Variants in EPB41 observed in about 807,000 individuals in gnomAD.
The protein encoded by EPB41 is protein 4.1.
EPB41 carries 65 observed loss-of-function variants against 108.0 expected under a neutral mutation model. That is an observed-to-expected ratio of 0.60 (90% CI 0.49 to 0.74). The LOEUF is 0.74. EPB41 is among the 30% of genes least tolerant of loss of function. The probability of loss-of-function intolerance (pLI) is 0.00; values close to 1 mark genes in which losing one functional copy is unlikely to be tolerated. For missense variants in EPB41, 875 were observed against 1,037.0 expected, an observed-to-expected ratio of 0.84 and a Z score of 2.15; for synonymous variants, 336 against 358.9, an observed-to-expected ratio of 0.94 and a Z score of 0.72.
intron 16 of EPB41, among the ~76,000 whole-genome samples, chr1:29,092,727 G>A (rs1558290489): frequency 6.6e-6 from 1 of 151,928 alleles, no homozygotes; most frequent in East Asian, 1.9e-4. Flanking sequence ...AGTAGGCCCT[G>A]GTGTCTGTTG....
At chr1:29,009,805 A>G (rs1333588762) in intron 4 of EPB41, among the ~76,000 whole-genome samples, 1 of 152,184 alleles carries the variant, frequency 6.6e-6, no homozygotes, top group Non-Finnish European at 1.5e-5. Flanking sequence ...AATATGTGGC[A>G]TTTATTATAT....
intron 5 of EPB41, among the ~76,000 whole-genome samples, chr1:29,013,220 G>C (rs1314917516): frequency 6.6e-6 from 1 of 151,954 alleles, no homozygotes; most frequent in Non-Finnish European, 1.5e-5. Context: ...AGCTACGCAG[G>C]AGGCTGAGGC....
chr1:28,938,164 A>G (rs540604193), intron 1 of EPB41, among the ~76,000 whole-genome samples: 74 of 152,220 alleles, frequency 4.9e-4, no homozygotes, highest in Admixed American at 7.8e-4. Flanking sequence ...ATTTTTCAAC[A>G]TTGTTTTGGC....
intron 1 of EPB41, among the ~76,000 whole-genome samples, chr1:28,889,585 G>A (rs74065144): frequency 0.011 from 1,603 of 152,376 alleles, 26 homozygotes; most frequent in African/African-American, 0.036. Flanking sequence ...GCCGTGCTGG[G>A]CAGGAACATC....
At chr1:28,981,863 T>A (rs909792452) in intron 1 of EPB41, among the ~76,000 whole-genome samples, 13 of 150,956 alleles carry the variant, frequency 8.6e-5, no homozygotes, top group Admixed American at 4.6e-4. Context: ...TTTTAATTTT[T>A]ATTTTTATTA....
intron 1 of EPB41, among the ~76,000 whole-genome samples, chr1:28,891,358 AAG>A (rs1355824705): frequency 6.6e-6 from 1 of 152,174 alleles, no homozygotes; most frequent in Non-Finnish European, 1.5e-5. Flanking sequence ...ATTTCAGAGG[AAG>A]AGACTGAGGT....
chr1:29,051,147 G>A (rs183465130), intron 11 of EPB41, among the ~76,000 whole-genome samples: 160 of 113,600 alleles, frequency 1.4e-3, no homozygotes, highest in African/African-American at 5.4e-3. Context: ...TGCCCAGGCT[G>A]GAGTGCAGTG....
chr1:28,973,970 A>G (rs1182123717), intron 1 of EPB41, among the ~76,000 whole-genome samples: 1 of 152,234 alleles, frequency 6.6e-6, no homozygotes. Context: ...TAGGAGTCAC[A>G]TGAAATTCAG....
chr1:28,976,928 G>A (rs2095620326), intron 1 of EPB41, among the ~76,000 whole-genome samples: 1 of 151,802 alleles, frequency 6.6e-6, no homozygotes, highest in African/African-American at 2.4e-5. Flanking sequence ...TCTTGGCTCA[G>A]TGCAACCTCT....
At chr1:28,996,803 T>TG (rs1557961942) in intron 3 of EPB41, among the ~76,000 whole-genome samples, 1 of 152,066 alleles carries the variant, frequency 6.6e-6, no homozygotes, top group Non-Finnish European at 1.5e-5. Context: ...AATCGGAAAG[T>TG]GACATTTTAT....
At chr1:29,016,073 G>A (rs921719187) in intron 6 of EPB41, among the ~76,000 whole-genome samples, 2 of 152,158 alleles carry the variant, frequency 1.3e-5, no homozygotes, top group South Asian at 4.1e-4. Flanking sequence ...CCCTCCAAAG[G>A]GCAAGACACA....
At chr1:28,948,363 G>A (rs960805391) in intron 1 of EPB41, among the ~76,000 whole-genome samples, 1 of 151,922 alleles carries the variant, frequency 6.6e-6, no homozygotes, top group Admixed American at 6.6e-5. Context: ...AAAAAAATTA[G>A]CCAGGCGCGG....
intron 1 of EPB41, among the ~76,000 whole-genome samples, chr1:28,968,981 C>CCA (rs2095429391): frequency 3.5e-5 from 5 of 143,630 alleles, no homozygotes; most frequent in Middle Eastern, 6.9e-3. Flanking sequence ...CCCCCACCCC[C>CCA]CAAAAAAAAA....
At chr1:29,071,549 A>G (rs1400734817) in intron 16 of EPB41, 3 of 152,232 alleles carry the variant, frequency 2.0e-5, no homozygotes, top group African/African-American at 7.2e-5. Flanking sequence ...TTCCTGATAT[A>G]CTTCAGACCT....
intron 17 of EPB41, among the ~76,000 whole-genome samples, chr1:29,107,099 C>T (rs1667468172): frequency 6.6e-6 from 1 of 152,000 alleles, no homozygotes; most frequent in African/African-American, 2.4e-5. Context: ...AAGAGAATCG[C>T]TTGAACCCAG....
chr1:29,038,466 A>C (rs989408589), intron 10 of EPB41, among the ~76,000 whole-genome samples: 1 of 152,260 alleles, frequency 6.6e-6, no homozygotes, highest in African/African-American at 2.4e-5. Flanking sequence ...ACATAAAAGT[A>C]TATGTTTGCT....
intron 16 of EPB41, among the ~76,000 whole-genome samples, chr1:29,079,838 A>G (rs1160998569): frequency 2.6e-5 from 4 of 151,930 alleles, no homozygotes; most frequent in Non-Finnish European, 4.4e-5. Flanking sequence ...TCTACTAAAA[A>G]TACAAAAAAT....
At chr1:29,051,161 C>T (rs1300351862) in intron 11 of EPB41, among the ~76,000 whole-genome samples, 2 of 119,826 alleles carry the variant, frequency 1.7e-5, no homozygotes, top group Admixed American at 2.3e-4. Context: ...TGCAGTGGCA[C>T]GATCTCAGCT....
At chr1:29,078,524 T>C (rs1655049750) in intron 16 of EPB41, among the ~76,000 whole-genome samples, 1 of 152,050 alleles carries the variant, frequency 6.6e-6, no homozygotes, top group Non-Finnish European at 1.5e-5. Flanking sequence ...TTTGGGAGGC[T>C]GAGGCAGGAG....
Sources: allele counts gnomAD v4.1 joint callset (sites outside exome capture counted in the v4.1 genomes callset), GRCh38; gene constraint gnomAD v4.1.1; transcripts MANE v1.5; gene names NCBI Gene and HGNC (gene_info 2026-07-23, HGNC 2026-07-21).